The following ALDH3B1 variants were observed in gnomAD, a reference collection of about 807,000 sequenced individuals.
ALDH3B1 encodes the protein aldehyde dehydrogenase 3 family member B1.
In ALDH3B1, 37 loss-of-function variants were observed where a neutral mutation model predicts 46.2. That is an observed-to-expected ratio of 0.80 (90% CI 0.62 to 1.05). The LOEUF (loss-of-function observed/expected upper bound fraction) is 1.05, where lower values mean the gene tolerates loss of function less well. ALDH3B1 is among the 50% of genes least tolerant of loss of function. The pLI is 0.00. For synonymous variants in ALDH3B1, 283 were observed against 281.0 expected (o/e 1.01, Z -0.07); for missense variants, 603 against 665.5 (o/e 0.91, Z 1.03).
At chr11:68,013,616 G>A (rs1422913488) in intron 1 of ALDH3B1, among the ~76,000 whole-genome samples, 2 of 152,348 alleles carry the variant, frequency 1.3e-5, no homozygotes, top group Non-Finnish European at 2.9e-5. Flanking sequence ...TTTATGCAGC[G>A]TGATGTCATT....
rs767295715 is a variant in ALDH3B1, at chr11:68,019,746, A to G, written c.512A>G (p.Gln171Arg). The G allele has an allele frequency of 1.2e-6, 2 of 1,614,060 alleles. No homozygotes were observed. The highest frequency in any genetic ancestry group is 2.2e-5 in the South Asian group (2 of 91,080). Residue 171 changes from glutamine (Q) to arginine (R), a missense_variant, in exon 6 of 10, where the codon CAG (glutamine) becomes CGG (arginine). Physicochemically the swap from Gln to Arg is conservative, Grantham distance 43 (BLOSUM62 1). Transcript: ENST00000342456. ...TTTGCTGTGGTGCTGGGCGGGCCCC[A>G]GGAGACGGGGCAGCTGCTAGAGCAC... ...SCFAVVLGGP[Q>R]ETGQLLEHRF...
intron 8 of ALDH3B1, 22 bp from the exon 9 acceptor site, chr11:68,025,987 C>T (rs566600792): frequency 1.7e-5 from 26 of 1,550,410 alleles, no homozygotes; most frequent in African/African-American, 8.2e-5. Flanking sequence ...GGCAGCCTCA[C>T]GCACATCCTG....
chr11:68,026,046 G>C lies in ALDH3B1; in HGVS notation c.1154G>C (p.Gly385Ala). 1.2e-6 allele frequency: 2 copies of C among 1,608,768 alleles called. No individual in the cohort carries two copies. Among genetic ancestry groups the C allele is most frequent in the Non-Finnish European group, 1.7e-6 (2 of 1,177,516 alleles). ...GTGCTGACCCAGACCAGCAGCGGGG[G>C]CTTCTGTGGGAACGACGGCTTCATG... Reference protein sequence around the residue: ...KRVLTQTSSGGFCGNDGFMHM... With the variant: ...KRVLTQTSSGAFCGNDGFMHM... The change falls in exon 9 of 10, where the codon GGC (glycine) becomes GCC (alanine). Residue 385 changes from glycine (G) to alanine (A), a missense_variant. Physicochemically the swap from Gly to Ala is moderately conservative, Grantham distance 60 (BLOSUM62 0). Transcript: ENST00000342456.
Position 68,021,855 on chromosome 11 carries a change from G to C in ALDH3B1, c.933G>C (p.Glu311Asp), listed in dbSNP as rs754779471. ...TGGCCATTGGGGGCCAGAGCGATGAGAGCGATCGCTACATCGGTGAGTCCT... is the reference window on the plus strand; with the variant it reads ...TGGCCATTGGGGGCCAGAGCGATGACAGCGATCGCTACATCGGTGAGTCCT... ...GRVAIGGQSDESDRYIAPTVL... is the reference protein window; with the variant it reads ...GRVAIGGQSDDSDRYIAPTVL... Residue 311 changes from glutamate to aspartate, a missense_variant, in exon 7 of 10, where the codon GAG becomes GAC. Physicochemically the swap from Glu to Asp is conservative, Grantham distance 45. Coordinates refer to ENST00000342456, the MANE Select transcript of ALDH3B1 (RefSeq NM_000694.4). 36 of 1,608,528 alleles carry C rather than the reference G, an allele frequency of 2.2e-5. No individual in the cohort carries two copies. The highest frequency in any genetic ancestry group is 2.6e-5 in the Non-Finnish European group (31 of 1,177,010).
At chr11:68,022,501 AGCCCTGGCCTGTG>A in intron 7 of ALDH3B1, 81 bp from the exon 8 acceptor site, 1 of 1,483,168 alleles carries the variant, frequency 6.7e-7, no homozygotes, top group Non-Finnish European at 9.0e-7. Context: ...CCTGGCCTAG[AGCCCTGGCCTGTG>A]GCCCTGTCCC....
chr11:68,011,228 AG>A (rs1158223977), intron 1 of ALDH3B1, among the ~76,000 whole-genome samples: 1 of 152,240 alleles, frequency 6.6e-6, no homozygotes, highest in Non-Finnish European at 1.5e-5. Flanking sequence ...GTGGCAGAGC[AG>A]GGGGTTCATA....
chr11:68,017,169 C>G (rs1488461252), intron 2 of ALDH3B1: 1 of 152,414 alleles, frequency 6.6e-6, no homozygotes, highest in Non-Finnish European at 1.5e-5. Flanking sequence ...CAAAATAGCC[C>G]AGTCTCCCAA....
At chr11:68,018,291 T>C in intron 2 of ALDH3B1, 1 of 553,610 alleles carries the variant, frequency 1.8e-6, no homozygotes, top group Admixed American at 3.3e-5. Flanking sequence ...GTCAGCGTTC[T>C]CACTTTCACA....
In ALDH3B1 at chr11:68,015,464, G is replaced by T. The variant is rs780361353; in HGVS notation, c.162+5G>T. 6.4e-7 allele frequency: 1 copy of T among 1,567,982 alleles called. No individual in the cohort carries two copies. Among genetic ancestry groups the T allele is most frequent in the Admixed American group, 1.9e-5 (1 of 53,080 alleles). On this transcript the variant is annotated splice_donor_5th_base_variant and intron_variant, in intron 2 of 9. Coordinates refer to ENST00000342456, the MANE Select transcript of ALDH3B1 (RefSeq NM_000694.4). ...CTGGCCCAGGACCTGCACAAGGTGG[G>T]CTGGGGTTGGGGGTATGAGAGGGTG... is the stretch of plus-strand genomic sequence containing the variant.
chr11:68,022,008 C>T, intron 7 of ALDH3B1, 137 bp downstream of exon 7: 1 of 1,415,536 alleles, frequency 7.1e-7, no homozygotes, highest in Non-Finnish European at 9.5e-7. Context: ...AGCCACAGCT[C>T]CAGTGCCATG....
Position 68,019,127 on chromosome 11 carries a change from C to G in ALDH3B1, c.395-43C>G, listed in dbSNP as rs1274413791. The G allele has an allele frequency of 2.5e-6, 4 of 1,570,392 alleles. No individual in the cohort carries two copies. The African/African-American group carries it at 5.4e-5, about 21-fold the overall frequency. On this transcript the variant is annotated intron_variant, in intron 4 of 9. Coordinates refer to ENST00000342456, the MANE Select transcript of ALDH3B1 (RefSeq NM_000694.4). ...CCTGCAGGTGTGTGGAGACCAGGAG[C>G]TGGCTACGCCTCCTCCAGCTCTCTC...
At chr11:68,009,567 G>A (rs1857190300), upstream of ALDH3B1, among the ~76,000 whole-genome samples, 1 of 152,224 alleles carries the variant, frequency 6.6e-6, no homozygotes, top group African/African-American at 2.4e-5. Context: ...TGAAAGGGTC[G>A]TGATAAATCG....
In ALDH3B1 at chr11:68,015,320, T is replaced by G; in HGVS notation, c.23T>G (p.Leu8Arg). MDPLGDTLRRLREAFHAG... is the reference protein window; with the variant it reads MDPLGDTRRRLREAFHAG... ...AGGATGGACCCCCTTGGGGACACGC[T>G]GCGGCGACTGCGGGAGGCCTTCCAC... The change falls in exon 2 of 10, where the codon CTG becomes CGG. Residue 8 changes from leucine (L) to arginine (R), a missense_variant. By Grantham distance (102) the Leu-to-Arg change is moderately radical (BLOSUM62 -2). Coordinates refer to ENST00000342456, the MANE Select transcript of ALDH3B1 (RefSeq NM_000694.4). 2.0e-6 allele frequency: 3 copies of G among 1,511,210 alleles called. No homozygotes were observed. The highest frequency in any genetic ancestry group is 2.7e-6 in the Non-Finnish European group (3 of 1,123,850). 93.6% of individuals were successfully genotyped at this position (1,511,210 alleles called of 1,614,324 possible).
chr11:68,012,268 T>A (rs1295308403), intron 1 of ALDH3B1, among the ~76,000 whole-genome samples: 1 of 152,162 alleles, frequency 6.6e-6, no homozygotes, highest in African/African-American at 2.4e-5. Flanking sequence ...CTCCCCACTC[T>A]GTTCCCGGAG....
chr11:68,027,899 T>G lies in ALDH3B1; in HGVS notation c.1367T>G (p.Val456Gly), dbSNP rs1389595693. 10 of 1,561,150 alleles carry G rather than the reference T, an allele frequency of 6.4e-6. No individual in the cohort carries two copies. In the East Asian group the frequency reaches 2.4e-4, roughly 37 times the overall value. Residue 456 changes from valine to glycine, a missense_variant, in exon 10 of 10, where the codon GTG becomes GGG. Transcript: ENST00000342456. Reference protein sequence around the residue: ...QSPRRLRMLLVAMEAQGCSCT... With the variant: ...QSPRRLRMLLGAMEAQGCSCT... ...CCGCGCCGCCTGAGGATGCTGCTGG[T>G]GGCCATGGAGGCCCAAGGCTGCAGC...
intron 1 of ALDH3B1, among the ~76,000 whole-genome samples, chr11:68,012,723 G>T (rs988143560): frequency 1.3e-5 from 2 of 152,342 alleles, no homozygotes; most frequent in East Asian, 3.9e-4. Flanking sequence ...CCAGCCTTGG[G>T]TCTGCCGTCC....
At chr11:68,019,361 A>G in intron 5 of ALDH3B1, 106 bp downstream of exon 5, 2 of 953,956 alleles carry the variant, frequency 2.1e-6, no homozygotes, top group South Asian at 2.9e-5. Context: ...CCCCACCTCA[A>G]TCCTGCCTCT....
At chr11:68,019,465 G>A (rs1286428542) in intron 5 of ALDH3B1, among the ~76,000 whole-genome samples, 1 of 152,220 alleles carries the variant, frequency 6.6e-6, no homozygotes, top group Non-Finnish European at 1.5e-5. Context: ...CAGGGGTTCC[G>A]TGTCTGCCTC....
In ALDH3B1 at chr11:68,028,029, G is replaced by A; in HGVS notation, c.*90G>A. 21 of 1,526,380 alleles carry A rather than the reference G, an allele frequency of 1.4e-5. No homozygotes were observed. Among genetic ancestry groups the A allele is most frequent in the Non-Finnish European group, 1.7e-5 (19 of 1,117,378 alleles). 94.6% of individuals were successfully genotyped at this position (1,526,380 alleles called of 1,614,324 possible). A position where few individuals can be genotyped will look rare whatever the true frequency, so the allele number is the denominator to read the frequency against. On this transcript the variant is annotated 3_prime_UTR_variant, in exon 10 of 10. Transcript: ENST00000342456. ...GGCCTGGGCTCCCGGGCCCGAGGAGGAAAAGGATTGCCAAGGCTCCAGGGC... is the reference window on the plus strand; with the variant it reads ...GGCCTGGGCTCCCGGGCCCGAGGAGAAAAAGGATTGCCAAGGCTCCAGGGC...
Sources: gnomAD v4.1 joint callset for allele counts (sites outside exome capture counted in the v4.1 genomes callset) on GRCh38, gnomAD v4.1.1 for gene constraint, MANE v1.5 for transcripts, NCBI Gene and HGNC (gene_info 2026-07-23, HGNC 2026-07-21) for gene names.